The following ADCY10 variants were observed in gnomAD, a reference collection of about 807,000 sequenced individuals.
ADCY10 encodes the protein adenylate cyclase 10.
A neutral mutation model predicts 183.3 loss-of-function variants in ADCY10; 156 were observed. The observed-to-expected ratio is 0.85, with a 90% CI of 0.75 to 0.97. The LOEUF (loss-of-function observed/expected upper bound fraction) is 0.97. Ranked by LOEUF, ADCY10 falls within the 50% of genes least tolerant of loss-of-function variation. ADCY10 has a pLI of 0.00. For synonymous variants in ADCY10, 645 were observed against 670.0 expected (o/e 0.96, Z 0.58); for missense variants, 1,745 against 1,934.3 (o/e 0.90, Z 1.84).
chr1:167,810,677 T>G (rs746910797), intron 32 of ADCY10, 48 bp downstream of exon 32: 4 of 1,591,426 alleles, frequency 2.5e-6, no homozygotes, highest in Non-Finnish European at 3.4e-6. Context: ...TGGGCTTCTT[T>G]ATATGGGTGA....
At chr1:167,902,981 A>G (rs7516984) in intron 3 of ADCY10, among the ~76,000 whole-genome samples, 21,038 of 152,302 alleles carry the variant, frequency 0.14, 2,033 homozygotes, top group African/African-American at 0.28. Flanking sequence ...TAGGCCAGGC[A>G]TGGTGGCTTA....
intron 14 of ADCY10, among the ~76,000 whole-genome samples, chr1:167,864,230 T>G (rs567080570): frequency 6.6e-6 from 1 of 152,228 alleles, no homozygotes; most frequent in Admixed American, 6.5e-5. Flanking sequence ...GGTGTGAGAG[T>G]GGTGTTTTGT....
In ADCY10 at chr1:167,880,375, G is replaced by T. The variant is rs530060632; in HGVS notation, c.1139+116C>A. 4 of 972,140 alleles carry T rather than the reference G, an allele frequency of 4.1e-6. No homozygotes were observed. In the African/African-American group the frequency reaches 4.8e-5, roughly 12 times the overall value. The allele number at this position is 972,140 out of a possible 1,614,324, so 60.2% of individuals were successfully genotyped here. On this transcript the variant is annotated intron_variant, in intron 10 of 32. Transcript: ENST00000367851. ...ATGCGAAGGAGGAACAACAGTTTGA[G>T]ACACAGGACTAAGTTCTTAATTAAT... is the stretch of plus-strand genomic sequence containing the variant.
chr1:167,872,893 A>C (rs1284634663), intron 13 of ADCY10, among the ~76,000 whole-genome samples: 2 of 151,424 alleles, frequency 1.3e-5, no homozygotes, highest in Non-Finnish European at 2.9e-5. Context: ...AATATGGTGA[A>C]ACCCCGTCTC....
intron 18 of ADCY10, among the ~76,000 whole-genome samples, chr1:167,852,541 A>G (rs962266070): frequency 6.6e-6 from 1 of 152,178 alleles, no homozygotes; most frequent in African/African-American, 2.4e-5. Context: ...TTTACTCTGC[A>G]GTATTTATAT....
At chr1:167,838,613 C>T (rs1230198236) in intron 21 of ADCY10, among the ~76,000 whole-genome samples, 1 of 152,220 alleles carries the variant, frequency 6.6e-6, no homozygotes, top group Non-Finnish European at 1.5e-5. Context: ...CTCCGTTCTC[C>T]TTTCACAATT....
At chr1:167,837,557 T>G (rs895922339) in intron 21 of ADCY10, among the ~76,000 whole-genome samples, 1 of 152,226 alleles carries the variant, frequency 6.6e-6, no homozygotes, top group African/African-American at 2.4e-5. Flanking sequence ...CTTCTCTGCC[T>G]TCTCTTTCCA....
At chr1:167,895,229 G>A (rs1199624589) in intron 7 of ADCY10, among the ~76,000 whole-genome samples, 1 of 150,712 alleles carries the variant, frequency 6.6e-6, no homozygotes, top group East Asian at 1.9e-4. Context: ...GGTGCTCAAA[G>A]TAAGGCCTGA....
At position 167,880,364 on chromosome 1, in the gene ADCY10, C is replaced by T. The variant is rs1250712570; in HGVS notation, c.1139+127G>A. The T allele has an allele frequency of 5.2e-6, 5 of 961,978 alleles. No individual in the cohort carries two copies. In the African/African-American group the frequency reaches 8.1e-5, roughly 16 times the overall value. 59.6% of individuals were successfully genotyped at this position (961,978 alleles called of 1,614,324 possible). A position where few individuals can be genotyped will look rare whatever the true frequency, so the allele number is the denominator to read the frequency against. ...ATGGCCCGGAGATGCGAAGGAGGAA[C>T]AACAGTTTGAGACACAGGACTAAGT... On this transcript the variant is annotated intron_variant, in intron 10 of 32. Coordinates refer to ENST00000367851, the MANE Select transcript of ADCY10 (RefSeq NM_018417.6).
intron 12 of ADCY10, among the ~76,000 whole-genome samples, chr1:167,875,907 C>A (rs1169431125): frequency 6.6e-6 from 1 of 151,628 alleles, no homozygotes; most frequent in African/African-American, 2.4e-5. Flanking sequence ...GAGCCGAGAT[C>A]GCACCACTGC....
chr1:167,841,002 G>A (rs1011144977), intron 21 of ADCY10, among the ~76,000 whole-genome samples: 11 of 149,270 alleles, frequency 7.4e-5, no homozygotes, highest in South Asian at 4.2e-4. Flanking sequence ...GTGCAGTGGC[G>A]CCATCATAGC....
intron 13 of ADCY10, among the ~76,000 whole-genome samples, chr1:167,873,893 A>G (rs1029948897): frequency 6.6e-6 from 1 of 152,266 alleles, no homozygotes; most frequent in Non-Finnish European, 1.5e-5. Flanking sequence ...AATTGAGAGT[A>G]AAAAGGCAAA....
At chr1:167,826,186 A>G (rs1192748172) in intron 26 of ADCY10, among the ~76,000 whole-genome samples, 1 of 152,204 alleles carries the variant, frequency 6.6e-6, no homozygotes, top group African/African-American at 2.4e-5. Flanking sequence ...CATGTTCCAG[A>G]TAATGCTACC....
Position 167,853,830 on chromosome 1 carries a change from C to CTTTTTTT in ADCY10, c.2308+516_2308+522dup, listed in dbSNP as rs538462140. 2.1e-4 allele frequency among the ~76,000 whole-genome samples: 16 copies of CTTTTTTT among 77,190 alleles called. 3 individuals are homozygous for CTTTTTTT. The highest frequency in any genetic ancestry group is 7.7e-4 in the African/African-American group (14 of 18,132). 50.6% of individuals were successfully genotyped at this position (77,190 alleles called of 152,430 possible). A position where few individuals can be genotyped will look rare whatever the true frequency, so the allele number is the denominator to read the frequency against. On this transcript the variant is annotated intron_variant, in intron 18 of 32. Transcript: ENST00000367851. ...TGTTCTTTCATTTCTACTATAGTTA[C>CTTTTTTT]TTTTTTTTTTTTTTTTTTTTTTTTT...
At position 167,861,081 on chromosome 1, in the gene ADCY10, A is replaced by G. The variant is rs750538374; in HGVS notation, c.1617-18T>C. On this transcript the variant is annotated intron_variant, in intron 14 of 32. Coordinates refer to ENST00000367851, the MANE Select transcript of ADCY10 (RefSeq NM_018417.6). ...CAATAATCCTGTTTGTGAGAAAATC[A>G]AGAAACAGAAGAGAGTTTTTAAATA... is the stretch of plus-strand genomic sequence containing the variant. 6.3e-7 allele frequency: 1 copy of G among 1,599,194 alleles called. No individual in the cohort carries two copies. Among genetic ancestry groups the G allele is most frequent in the Non-Finnish European group, 8.6e-7 (1 of 1,166,584 alleles).
intron 5 of ADCY10, among the ~76,000 whole-genome samples, chr1:167,900,569 G>A (rs1029355764): frequency 4.0e-5 from 6 of 151,284 alleles, no homozygotes; most frequent in Non-Finnish European, 5.9e-5. Flanking sequence ...TTTCACGCTT[G>A]TTGCCCAGGC....
rs766400489 is a variant in ADCY10, at chr1:167,836,292, G to C, written c.3309+17C>G. 9.0e-6 allele frequency: 14 copies of C among 1,548,304 alleles called. No individual in the cohort carries two copies. In the South Asian group the frequency reaches 1.3e-4, roughly 15 times the overall value. ...ATTGTCTCTAGGGTGGAGGTGGTCT[G>C]GGTAGAAACAGCTTACCATGTAGTT... On this transcript the variant is annotated intron_variant, in intron 23 of 32. Coordinates refer to ENST00000367851, the MANE Select transcript of ADCY10 (RefSeq NM_018417.6).
chr1:167,820,340 C>T (rs1028828712), intron 30 of ADCY10: 2 of 870,348 alleles, frequency 2.3e-6, no homozygotes. Context: ...AGGGGCGGGG[C>T]CGGCCAGAGG....
intron 14 of ADCY10, among the ~76,000 whole-genome samples, chr1:167,862,975 T>TAAATA (rs1038593551): frequency 7.2e-5 from 11 of 152,096 alleles, no homozygotes; most frequent in African/African-American, 9.7e-5. Context: ...TATATGAAAA[T>TAAATA]AAATAAACAA....
Sources: gnomAD v4.1 joint callset for allele counts (sites outside exome capture counted in the v4.1 genomes callset) on GRCh38, gnomAD v4.1.1 for gene constraint, MANE v1.5 for transcripts, NCBI Gene and HGNC (gene_info 2026-07-23, HGNC 2026-07-21) for gene names.